AGO2: variants seen among roughly 807,000 people sequenced by gnomAD.
AGO2 encodes argonaute RISC catalytic component 2.
Under a neutral mutation model 102.3 loss-of-function variants are expected in AGO2, and 5 were observed. The observed-to-expected ratio is 0.05, with a 90% CI of 0.03 to 0.10. The LOEUF is 0.10. Ranked by LOEUF, AGO2 falls within the 10% of genes least tolerant of loss-of-function variation. The pLI, the probability that AGO2 is intolerant of heterozygous loss-of-function variation, is 1.00. For missense variants in AGO2, 541 were observed against 1,183.7 expected, an observed-to-expected ratio of 0.46 and a Z score of 7.97; for synonymous variants, 449 against 473.1, an observed-to-expected ratio of 0.95 and a Z score of 0.66.
At chr8:140,553,768 G>A (rs1196812785) in intron 10 of AGO2, among the ~76,000 whole-genome samples, 2 of 151,570 alleles carry the variant, frequency 1.3e-5, no homozygotes, top group Non-Finnish European at 2.9e-5. Context: ...GCACAATCTC[G>A]GCTCACTGCA....
At chr8:140,537,129 T>C (rs1249941444) in intron 16 of AGO2, among the ~76,000 whole-genome samples, 1 of 152,250 alleles carries the variant, frequency 6.6e-6, no homozygotes, top group African/African-American at 2.4e-5. Flanking sequence ...ACTGTTGATT[T>C]AAAATTTAAT....
In AGO2 at chr8:140,523,380, C is replaced by A. The variant is rs2072447453; in HGVS notation, c.*8664G>T. 6.6e-6 allele frequency: 1 copy of A among 151,914 alleles called. No individual in the cohort carries two copies. The highest frequency in any genetic ancestry group is 2.4e-5 in the African/African-American group (1 of 41,368). The allele number at this position is 151,914 out of a possible 1,614,324, so 9.4% of individuals were successfully genotyped here. On this transcript the variant is annotated 3_prime_UTR_variant, in exon 19 of 19. Transcript: ENST00000220592. The stretch of plus-strand genomic sequence containing the variant: ...GGAACTTCTGAATTCATTTTTGGTT[C>A]TTTTTCAATTATTTTATAAAAATAA...
At chr8:140,606,721 G>T (rs189478998) in intron 1 of AGO2, among the ~76,000 whole-genome samples, 266 of 152,262 alleles carry the variant, frequency 1.7e-3, no homozygotes, top group Admixed American at 2.8e-3. Context: ...CAGATCACCC[G>T]AGGTCAGGAG....
In AGO2 at chr8:140,572,707, A is replaced by G. The variant is rs922932944; in HGVS notation, c.336+105T>C. The G allele has an allele frequency of 2.7e-6, 4 of 1,464,058 alleles. No homozygotes were observed. In the African/African-American group the frequency reaches 4.3e-5, roughly 16 times the overall value. 90.7% of individuals were successfully genotyped at this position (1,464,058 alleles called of 1,614,324 possible). ...GGCAGTGAACTGCTCTCTCCTCCTCAGTGAAATAGTTTCGTGTATGAGAAC... is the reference window on the plus strand; with the variant it reads ...GGCAGTGAACTGCTCTCTCCTCCTCGGTGAAATAGTTTCGTGTATGAGAAC... On this transcript the variant is annotated intron_variant, in intron 3 of 18. Transcript: ENST00000220592.
intron 1 of AGO2, among the ~76,000 whole-genome samples, chr8:140,612,758 A>G (rs1017663452): frequency 1.3e-5 from 2 of 151,636 alleles, no homozygotes; most frequent in African/African-American, 4.8e-5. Context: ...TCGGTCTCAA[A>G]AAAAACAAAA....
chr8:140,553,995 C>A (rs894917360), intron 10 of AGO2, among the ~76,000 whole-genome samples: 17 of 152,258 alleles, frequency 1.1e-4, no homozygotes, highest in African/African-American at 3.9e-4. Context: ...AGCCGCAGCA[C>A]CCAGCCTACA....
chr8:140,571,503 C>T (rs1282750179), intron 3 of AGO2, among the ~76,000 whole-genome samples: 1 of 152,178 alleles, frequency 6.6e-6, no homozygotes, highest in Admixed American at 6.5e-5. Context: ...GTCTCAAAAG[C>T]AAAAGGAAGA....
chr8:140,595,665 T>TAA (rs2073817115), intron 1 of AGO2, among the ~76,000 whole-genome samples: 1 of 134,286 alleles, frequency 7.4e-6, no homozygotes, highest in Non-Finnish European at 1.6e-5. Context: ...GCTATATATA[T>TAA]TATATATATA....
At chr8:140,541,048 T>C (rs996372677) in intron 15 of AGO2, 116 bp downstream of exon 15, 3 of 1,238,652 alleles carry the variant, frequency 2.4e-6, no homozygotes, top group East Asian at 2.7e-5. Context: ...CAGATCAGCC[T>C]TGGGGCCGAA....
intron 1 of AGO2, among the ~76,000 whole-genome samples, chr8:140,630,787 A>G (rs1303831166): frequency 6.6e-6 from 1 of 152,226 alleles, no homozygotes; most frequent in Non-Finnish European, 1.5e-5. Flanking sequence ...CTGAAAGAGG[A>G]CCACAAAAAG....
rs572518727 is a variant in AGO2 at position 140,528,653 on chromosome 8, C to T, written c.*3391G>A. 6.6e-6 allele frequency: 1 copy of T among 152,150 alleles called. No individual in the cohort carries two copies. Among genetic ancestry groups the T allele is most frequent in the Admixed American group, 6.5e-5 (1 of 15,270 alleles). The allele number at this position is 152,150 out of a possible 1,614,324, so 9.4% of individuals were successfully genotyped here. ...ATCATCTGGAAAAGAAAAGGGAGAC[C>T]CTGATGTGCAATCAAAAGGCTGCAT... On this transcript the variant is annotated 3_prime_UTR_variant, in exon 19 of 19. Coordinates refer to ENST00000220592, the MANE Select transcript of AGO2 (RefSeq NM_012154.5). This position sits in a 1 kb window ranked among gnomAD's most constrained non-coding sequence, Gnocchi z 4.5.
intron 13 of AGO2, among the ~76,000 whole-genome samples, chr8:140,546,585 G>T (rs1366609830): frequency 3.9e-5 from 6 of 152,244 alleles, no homozygotes; most frequent in Admixed American, 6.5e-5. Context: ...TGCCAGTGAT[G>T]CAGATTTAGC....
At chr8:140,614,841 C>T (rs904255169) in intron 1 of AGO2, among the ~76,000 whole-genome samples, 3 of 152,220 alleles carry the variant, frequency 2.0e-5, no homozygotes, top group Non-Finnish European at 2.9e-5. Context: ...CAGCATTCGC[C>T]GTGCCCTCGG....
chr8:140,619,565 G>T (rs746609670), intron 1 of AGO2, among the ~76,000 whole-genome samples: 1 of 152,160 alleles, frequency 6.6e-6, no homozygotes, highest in Non-Finnish European at 1.5e-5. Context: ...CGCTCACTGC[G>T]CCGCAGAGCA....
chr8:140,538,457 G>A (rs1030080101), intron 16 of AGO2, among the ~76,000 whole-genome samples: 2 of 152,174 alleles, frequency 1.3e-5, no homozygotes, highest in African/African-American at 2.4e-5. Flanking sequence ...CTAGGAATAC[G>A]GAAAACACTT....
At chr8:140,582,013 T>C (rs1216140493) in intron 2 of AGO2, among the ~76,000 whole-genome samples, 1 of 152,154 alleles carries the variant, frequency 6.6e-6, no homozygotes, top group Non-Finnish European at 1.5e-5. Context: ...TATAATAGCA[T>C]CCAAGAACAT....
chr8:140,546,738 G>A (rs1282131444), intron 13 of AGO2, among the ~76,000 whole-genome samples: 4 of 152,192 alleles, frequency 2.6e-5, no homozygotes, highest in Non-Finnish European at 5.9e-5. Context: ...CGTATTCTCC[G>A]TTGTTGTCGT....
chr8:140,585,625 G>A (rs1161232821), intron 1 of AGO2, among the ~76,000 whole-genome samples: 6 of 152,268 alleles, frequency 3.9e-5, no homozygotes, highest in Middle Eastern at 3.4e-3. Flanking sequence ...GTGTCAAGGC[G>A]GTGCCCCTCC....
intron 1 of AGO2, among the ~76,000 whole-genome samples, chr8:140,609,045 A>C (rs2074041257): frequency 6.6e-6 from 1 of 152,178 alleles, no homozygotes; most frequent in African/African-American, 2.4e-5. Context: ...TCTGGTAAGC[A>C]TCTCTTGGAG....
Sources: gnomAD v4.1 joint callset for allele counts (sites outside exome capture counted in the v4.1 genomes callset) on GRCh38, gnomAD v4.1.1 for gene constraint, Gnocchi (gnomAD v3.1) non-coding constraint, MANE v1.5 for transcripts, NCBI Gene and HGNC (gene_info 2026-07-23, HGNC 2026-07-21) for gene names.